Variants in DOCK3 observed in about 807,000 individuals in gnomAD.
DOCK3 encodes the protein dedicator of cytokinesis protein 3.
Under a neutral mutation model 265.6 loss-of-function variants are expected in DOCK3, and 60 were observed. That is an observed-to-expected ratio of 0.23 (90% CI 0.18 to 0.28). DOCK3 has a LOEUF of 0.28. Ranked by LOEUF, DOCK3 falls within the 10% of genes least tolerant of loss-of-function variation. DOCK3 has a pLI of 1.00. For synonymous variants in DOCK3, 881 were observed against 938.0 expected (o/e 0.94, Z 1.11); for missense variants, 1,981 against 2,594.3 (o/e 0.76, Z 5.14).
At chr3:51,288,653 A>T (rs2081553820) in intron 27 of DOCK3, among the ~76,000 whole-genome samples, 1 of 152,214 alleles carries the variant, frequency 6.6e-6, no homozygotes, top group African/African-American at 2.4e-5. Context: ...TCAGAGTAAC[A>T]AGTGACAAAA....
chr3:50,786,972 C>T (rs1402822007), intron 2 of DOCK3: 2 of 741,988 alleles, frequency 2.7e-6, no homozygotes, highest in African/African-American at 1.7e-5. Flanking sequence ...TTCATGTGTG[C>T]AACCATGTGT....
chr3:50,900,863 G>A (rs1466643999), intron 4 of DOCK3: 7 of 416,702 alleles, frequency 1.7e-5, no homozygotes, highest in Non-Finnish European at 3.3e-5. Context: ...TCCCAGAGGG[G>A]CACCCACCAG....
intron 2 of DOCK3, among the ~76,000 whole-genome samples, chr3:50,819,823 G>C (rs565011345): frequency 9.9e-5 from 15 of 152,132 alleles, no homozygotes; most frequent in Non-Finnish European, 1.9e-4. Context: ...TTAGCCAGGC[G>C]TGGTGGTGCA....
chr3:50,739,078 T>C (rs775328643), intron 1 of DOCK3, among the ~76,000 whole-genome samples: 3 of 152,150 alleles, frequency 2.0e-5, no homozygotes, highest in Non-Finnish European at 4.4e-5. Context: ...GGGGGGGTTA[T>C]TTAGATTTAG....
At chr3:51,153,621 C>G (rs2085715630) in intron 10 of DOCK3, among the ~76,000 whole-genome samples, 1 of 152,178 alleles carries the variant, frequency 6.6e-6, no homozygotes, top group Non-Finnish European at 1.5e-5. Flanking sequence ...GGAGCTGTTC[C>G]TATTCGGCTA....
chr3:50,822,606 C>T (rs1043497651), intron 2 of DOCK3, among the ~76,000 whole-genome samples: 6 of 152,152 alleles, frequency 3.9e-5, no homozygotes, highest in African/African-American at 1.4e-4. Flanking sequence ...AAATGATCCT[C>T]CCATTTCAGT....
chr3:50,913,668 G>T (rs2049974827), intron 4 of DOCK3, among the ~76,000 whole-genome samples: 1 of 152,110 alleles, frequency 6.6e-6, no homozygotes, highest in Non-Finnish European at 1.5e-5. Context: ...GGTTTACAAT[G>T]ATCCCTTCGT....
intron 1 of DOCK3, among the ~76,000 whole-genome samples, chr3:50,688,853 C>A (rs369738218): frequency 6.6e-6 from 1 of 152,170 alleles, no homozygotes; most frequent in East Asian, 1.9e-4. Flanking sequence ...AGTCTTCCCC[C>A]CTTTTCAAAG....
chr3:51,368,416 C>A (rs146551192), intron 49 of DOCK3, among the ~76,000 whole-genome samples: 82 of 152,342 alleles, frequency 5.4e-4, no homozygotes, highest in South Asian at 1.0e-3. Context: ...TATCCTGCGC[C>A]TGACTCAGGG....
chr3:50,819,142 A>G (rs2044260525), intron 2 of DOCK3, among the ~76,000 whole-genome samples: 1 of 152,212 alleles, frequency 6.6e-6, no homozygotes, highest in African/African-American at 2.4e-5. Flanking sequence ...AGTTTAATCT[A>G]GAATTGAGTT....
At chr3:51,133,932 C>A (rs1281217616) in intron 9 of DOCK3, among the ~76,000 whole-genome samples, 3 of 152,204 alleles carry the variant, frequency 2.0e-5, no homozygotes, top group Admixed American at 6.5e-5. Flanking sequence ...TCCCTCCTCC[C>A]ACCCTCACCC....
At chr3:51,250,493 C>T (rs1013497146) in intron 22 of DOCK3, among the ~76,000 whole-genome samples, 5 of 152,068 alleles carry the variant, frequency 3.3e-5, no homozygotes, top group African/African-American at 9.7e-5. Flanking sequence ...GTGGCATGCA[C>T]CTGTAATCCC....
intron 5 of DOCK3, among the ~76,000 whole-genome samples, chr3:51,018,352 C>G (rs1472836128): frequency 1.3e-5 from 2 of 151,140 alleles, no homozygotes; most frequent in Non-Finnish European, 2.9e-5. Context: ...AATCCCAGCA[C>G]TTTGAGAAGC....
chr3:51,181,351 T>C (rs1037271687), intron 12 of DOCK3, among the ~76,000 whole-genome samples: 6 of 138,220 alleles, frequency 4.3e-5, no homozygotes, highest in Non-Finnish European at 9.1e-5. Flanking sequence ...AGTGTTCTCA[T>C]TGTTCAATTC....
intron 27 of DOCK3, among the ~76,000 whole-genome samples, chr3:51,288,903 GGTGTGTGTGTGTGTGTGT>G (rs146598674): frequency 1.4e-5 from 2 of 144,176 alleles, no homozygotes; most frequent in East Asian, 2.0e-4. Context: ...TGTGTGTGTG[GGTGTGTGTGTGTGTGTGT>G]GTGTGCCCAT....
intron 9 of DOCK3, among the ~76,000 whole-genome samples, chr3:51,114,046 T>C (rs2109868532): frequency 6.6e-6 from 1 of 151,796 alleles, no homozygotes; most frequent in African/African-American, 2.4e-5. Flanking sequence ...GAGGTCGAGG[T>C]TGCAGTGAGC....
Position 51,319,863 on chromosome 3 carries a change from C to CAA in DOCK3, c.3402+4743_3402+4744dup, listed in dbSNP as rs35070435. Among the ~76,000 whole-genome samples the CAA allele has an allele frequency of 1.4e-3, 211 of 149,738 alleles. 1 individual carries two copies. Among genetic ancestry groups the CAA allele is most frequent in the African/African-American group, 4.2e-3 (170 of 40,764 alleles). The stretch of plus-strand genomic sequence containing the variant: ...CTGGCGACAGAGCGAGACTCCATCT[C>CAA]AAAAAAAAACAAACAACAACAACAA... On this transcript the variant is annotated intron_variant, in intron 32 of 52. Transcript: ENST00000266037.
At chr3:51,219,778 A>G (rs1322073427) in intron 14 of DOCK3, among the ~76,000 whole-genome samples, 2 of 152,204 alleles carry the variant, frequency 1.3e-5, no homozygotes, top group African/African-American at 4.8e-5. Context: ...ATTTACCACA[A>G]GTGGGTTCAT....
chr3:51,272,603 G>A (rs2080569442), intron 24 of DOCK3, among the ~76,000 whole-genome samples: 1 of 151,792 alleles, frequency 6.6e-6, no homozygotes, highest in Non-Finnish European at 1.5e-5. Context: ...GACTTTTAAT[G>A]TGTAAGAACA....
Sources: gnomAD v4.1 joint callset for allele counts (sites outside exome capture counted in the v4.1 genomes callset) on GRCh38, gnomAD v4.1.1 for gene constraint, MANE v1.5 for transcripts, NCBI Gene and HGNC (gene_info 2026-07-23, HGNC 2026-07-21) for gene names.